Variants in WWOX observed in about 807,000 individuals in gnomAD.
WWOX encodes the protein WW domain containing oxidoreductase.
In WWOX, 69 loss-of-function variants were observed where a neutral mutation model predicts 46.2. The ratio of observed to expected loss-of-function variants is 1.49; its 90% CI spans 1.23 to 1.82. WWOX has a LOEUF of 1.82. Among genes scored for constraint, WWOX ranks in the 40% most tolerant of loss-of-function variants. The probability of loss-of-function intolerance (pLI) is 0.00; values close to 1 mark genes in which losing one functional copy is unlikely to be tolerated. For missense variants in WWOX, 919 were observed against 542.6 expected (o/e 1.69, Z -6.89); for synonymous variants, 359 against 202.6 (o/e 1.77, Z -6.56).
intron 6 of WWOX, among the ~76,000 whole-genome samples, chr16:78,392,826 ACCT>A (rs1228826189): frequency 1.3e-5 from 2 of 151,332 alleles, no homozygotes; most frequent in African/African-American, 2.4e-5. Context: ...GCACGTCCTG[ACCT>A]CCTCACTCCT....
intron 8 of WWOX, among the ~76,000 whole-genome samples, chr16:78,755,027 A>T (rs1434042267): frequency 6.9e-6 from 1 of 145,380 alleles, no homozygotes; most frequent in African/African-American, 2.6e-5. Flanking sequence ...AGGGGGGAAC[A>T]TCACACACCG....
intron 5 of WWOX, among the ~76,000 whole-genome samples, chr16:78,332,127 T>G (rs181048201): frequency 2.0e-5 from 3 of 152,188 alleles, no homozygotes; most frequent in Admixed American, 2.0e-4. Context: ...GTCCTGTGTT[T>G]GTACCTTGTT....
At chr16:78,111,021 A>C (rs973701473) in intron 3 of WWOX, among the ~76,000 whole-genome samples, 1 of 150,450 alleles carries the variant, frequency 6.6e-6, no homozygotes, top group East Asian at 1.9e-4. Context: ...TTTTTTTTTT[A>C]AAGTTATGAA....
At chr16:78,398,533 C>T (rs913208767) in intron 6 of WWOX, among the ~76,000 whole-genome samples, 18 of 152,194 alleles carry the variant, frequency 1.2e-4, no homozygotes, top group Non-Finnish European at 2.1e-4. Context: ...CCGGGCACCA[C>T]AGTTGATGAG....
chr16:78,951,291 G>T lies in WWOX; in HGVS notation c.1057-260317G>T, dbSNP rs2046054667. On this transcript the variant is annotated intron_variant, in intron 8 of 8. Coordinates refer to ENST00000566780, the MANE Select transcript of WWOX (RefSeq NM_016373.4). ...CAGACATGGCCAGCATGCGCCCATA[G>T]CCTTAATGCTCAGGGAATATTGGTG... Among the ~76,000 whole-genome samples, 2 of 151,976 alleles carry T rather than the reference G, an allele frequency of 1.3e-5. 1 individual carries two copies. Among genetic ancestry groups the T allele is most frequent in the Non-Finnish European group, 2.9e-5 (2 of 68,018 alleles).
At chr16:78,716,663 T>C (rs1473790176) in intron 8 of WWOX, among the ~76,000 whole-genome samples, 1 of 151,744 alleles carries the variant, frequency 6.6e-6, no homozygotes, top group Non-Finnish European at 1.5e-5. Flanking sequence ...TGCTGCTCCT[T>C]GGGTGACATC....
intron 8 of WWOX, among the ~76,000 whole-genome samples, chr16:78,545,913 C>G (rs1349223817): frequency 1.3e-5 from 2 of 152,098 alleles, no homozygotes; most frequent in African/African-American, 4.8e-5. Flanking sequence ...GATTAGGGCA[C>G]CACGCTTATG....
At chr16:79,072,220 A>G (rs1028423990) in intron 8 of WWOX, among the ~76,000 whole-genome samples, 1 of 152,300 alleles carries the variant, frequency 6.6e-6, no homozygotes, top group East Asian at 1.9e-4. Context: ...TAGGGGGTTG[A>G]GGCTGCAGTG....
Position 78,269,976 on chromosome 16 carries a change from A to G in WWOX, c.516+105687A>G, listed in dbSNP as rs148483768. Among the ~76,000 whole-genome samples the G allele has an allele frequency of 5.9e-3, 812 of 136,494 alleles. 11 individuals carry two copies. Among genetic ancestry groups the G allele is most frequent in the South Asian group, 0.051 (217 of 4,232 alleles). 89.5% of individuals were successfully genotyped at this position (136,494 alleles called of 152,430 possible). On this transcript the variant is annotated intron_variant, in intron 5 of 8. Transcript: ENST00000566780. Reference sequence around the variant, plus strand: ...TTTGTGGAGTATGCATTTAATTCACATTTACAAATTGGTTTCTGTTTTTAA... The same window carrying G: ...TTTGTGGAGTATGCATTTAATTCACGTTTACAAATTGGTTTCTGTTTTTAA...
At chr16:78,726,830 CT>C (rs1026896516) in intron 8 of WWOX, among the ~76,000 whole-genome samples, 1 of 151,976 alleles carries the variant, frequency 6.6e-6, no homozygotes. Flanking sequence ...AAATAGGAGG[CT>C]TTCAGTTTCT....
chr16:78,908,492 A>G (rs1322658192), intron 8 of WWOX, among the ~76,000 whole-genome samples: 3 of 151,014 alleles, frequency 2.0e-5, no homozygotes, highest in Non-Finnish European at 2.9e-5. Flanking sequence ...GTGAGTCGAG[A>G]TCACACCACT....
At chr16:79,024,468 C>CT (rs2047596976) in intron 8 of WWOX, among the ~76,000 whole-genome samples, 1 of 152,022 alleles carries the variant, frequency 6.6e-6, no homozygotes, top group African/African-American at 2.4e-5. Flanking sequence ...GAGTTTTGCT[C>CT]TGTTGCCCAG....
At chr16:78,420,594 C>G (rs566379580) in intron 6 of WWOX, among the ~76,000 whole-genome samples, 1 of 150,342 alleles carries the variant, frequency 6.7e-6, no homozygotes, top group Non-Finnish European at 1.5e-5. Flanking sequence ...AGAAAGTACA[C>G]TGATGGTGTT....
chr16:78,607,914 G>C (rs1374056342), intron 8 of WWOX, among the ~76,000 whole-genome samples: 1 of 152,124 alleles, frequency 6.6e-6, no homozygotes, highest in Admixed American at 6.5e-5. Context: ...TTTGAGACCT[G>C]TAAAAATATT....
intron 8 of WWOX, among the ~76,000 whole-genome samples, chr16:79,113,104 A>G (rs1020739646): frequency 6.6e-6 from 1 of 152,182 alleles, no homozygotes; most frequent in African/African-American, 2.4e-5. Flanking sequence ...AGATTAAGCA[A>G]TCAGAAAAAC....
chr16:78,396,249 G>A (rs2151940912), intron 6 of WWOX, among the ~76,000 whole-genome samples: 1 of 152,084 alleles, frequency 6.6e-6, no homozygotes. Flanking sequence ...ACCTGCCCCT[G>A]GTGGAGAGAA....
At chr16:78,956,485 G>C (rs1364500816) in intron 8 of WWOX, among the ~76,000 whole-genome samples, 1 of 152,086 alleles carries the variant, frequency 6.6e-6, no homozygotes, top group East Asian at 1.9e-4. Flanking sequence ...AATCTACAAT[G>C]ACACATCATC....
intron 4 of WWOX, among the ~76,000 whole-genome samples, chr16:78,146,262 T>G (rs1020514301): frequency 6.6e-6 from 1 of 152,164 alleles, no homozygotes; most frequent in African/African-American, 2.4e-5. Flanking sequence ...GTTGGAATCC[T>G]CTGTTAGGGT....
chr16:78,937,041 G>T (rs1168810141), intron 8 of WWOX, among the ~76,000 whole-genome samples: 1 of 152,152 alleles, frequency 6.6e-6, no homozygotes, highest in East Asian at 1.9e-4. Flanking sequence ...CCTGGTCCTG[G>T]AAAATTAAGT....
Sources: gnomAD v4.1 joint callset for allele counts (sites outside exome capture counted in the v4.1 genomes callset) on GRCh38, gnomAD v4.1.1 for gene constraint, MANE v1.5 for transcripts, NCBI Gene and HGNC (gene_info 2026-07-23, HGNC 2026-07-21) for gene names.